DGKB: variants seen among roughly 807,000 people sequenced by gnomAD.
DGKB encodes the protein 90 kDa diacylglycerol kinase.
A neutral mutation model predicts 114.3 loss-of-function variants in DGKB; 67 were observed. The observed-to-expected ratio is 0.59, with a 90% CI of 0.48 to 0.72. The LOEUF is 0.72. Among genes scored for constraint, DGKB ranks in the 30% least tolerant of loss-of-function variants. The pLI is 0.00. For missense variants in DGKB, 907 were observed against 975.2 expected (o/e 0.93, Z 0.93); for synonymous variants, 398 against 323.1 (o/e 1.23, Z -2.49).
At chr7:14,477,121 A>G (rs1782302674) in intron 21 of DGKB, among the ~76,000 whole-genome samples, 1 of 152,212 alleles carries the variant, frequency 6.6e-6, no homozygotes, top group African/African-American at 2.4e-5. Flanking sequence ...TGCTGTGATG[A>G]TTTATGCATA....
intron 13 of DGKB, among the ~76,000 whole-genome samples, chr7:14,650,992 G>C (rs975340039): frequency 3.0e-4 from 46 of 151,694 alleles, no homozygotes; most frequent in Non-Finnish European, 5.9e-4. Context: ...AGCTGAAACT[G>C]TGGCAATAAT....
intron 6 of DGKB, among the ~76,000 whole-genome samples, chr7:14,712,447 C>T (rs1219007328): frequency 1.3e-5 from 2 of 151,740 alleles, no homozygotes; most frequent in African/African-American, 2.4e-5. Flanking sequence ...ATGAGGCGGG[C>T]GGATATTTGA....
chr7:14,906,691 T>C (rs903956639), upstream of DGKB, among the ~76,000 whole-genome samples: 1 of 152,138 alleles, frequency 6.6e-6, no homozygotes, highest in Admixed American at 6.5e-5. Context: ...GACCTCGTGA[T>C]CCACCCACGT....
intron 7 of DGKB, among the ~76,000 whole-genome samples, chr7:14,700,366 A>G (rs1824936866): frequency 1.3e-5 from 2 of 151,984 alleles, no homozygotes; most frequent in African/African-American, 2.4e-5. Flanking sequence ...GGTGCCCACT[A>G]CCACGCCTCG....
rs1023513649 is a variant in DGKB at position 14,902,693 on chromosome 7, T to G, written c.-289A>C. On this transcript the variant is annotated 5_prime_UTR_variant, in exon 1 of 26. Transcript: ENST00000402815. ...AGCCAGTTCTCAGGATCCTTTCCAA[T>G]TCACACGCTCCCGGCACAGTAAGAA... 1 of 152,152 alleles carries G rather than the reference T, an allele frequency of 6.6e-6. No homozygotes were observed. The highest frequency in any genetic ancestry group is 2.4e-5 in the African/African-American group (1 of 41,406). The allele number at this position is 152,152 out of a possible 1,614,324, so 9.4% of individuals were successfully genotyped here.
At chr7:14,723,372 A>C (rs924297603) in intron 5 of DGKB, among the ~76,000 whole-genome samples, 1 of 146,940 alleles carries the variant, frequency 6.8e-6, no homozygotes, top group Non-Finnish European at 1.5e-5. Context: ...AACTAAAATG[A>C]AACATAAAGC....
intron 17 of DGKB, among the ~76,000 whole-genome samples, chr7:14,601,988 T>C (rs1803634343): frequency 6.6e-6 from 1 of 151,866 alleles, no homozygotes; most frequent in African/African-American, 2.4e-5. Flanking sequence ...CTCTTTCTCC[T>C]CCTCCTCATC....
chr7:14,466,421 G>T (rs571986023), intron 21 of DGKB, among the ~76,000 whole-genome samples: 1 of 152,092 alleles, frequency 6.6e-6, no homozygotes, highest in Admixed American at 6.6e-5. Flanking sequence ...AGTTAAAGTC[G>T]ATTTTAGTAC....
intron 21 of DGKB, 49 bp downstream of exon 21, chr7:14,478,112 G>T: frequency 7.6e-7 from 1 of 1,320,388 alleles, no homozygotes; most frequent in Non-Finnish European, 1.1e-6. Flanking sequence ...TCTTTTTATG[G>T]CAAAATTCAG....
chr7:14,554,998 T>G (rs1489471546), intron 20 of DGKB, among the ~76,000 whole-genome samples: 1 of 152,196 alleles, frequency 6.6e-6, no homozygotes, highest in Non-Finnish European at 1.5e-5. Flanking sequence ...CCTTTTAGAT[T>G]CTAGATTTCT....
intron 23 of DGKB, among the ~76,000 whole-genome samples, chr7:14,219,297 G>C (rs568309051): frequency 6.6e-6 from 1 of 151,948 alleles, no homozygotes; most frequent in South Asian, 2.1e-4. Flanking sequence ...GATTGGAATT[G>C]CTGAGTCAAT....
chr7:14,247,883 G>A lies in DGKB; in HGVS notation c.2123-69732C>T, dbSNP rs145114168. Reference sequence around the variant, plus strand: ...TCACTTGTCTATTTTTGTTTTTGTCGCCCGTACTTTTGGGATTATAGCCAA... The same window carrying A: ...TCACTTGTCTATTTTTGTTTTTGTCACCCGTACTTTTGGGATTATAGCCAA... On this transcript the variant is annotated intron_variant, in intron 23 of 25. Transcript: ENST00000402815. Among the ~76,000 whole-genome samples the A allele has an allele frequency of 1.5e-3, 225 of 151,710 alleles. 1 individual carries two copies. Among genetic ancestry groups the A allele is most frequent in the Middle Eastern group, 6.8e-3 (2 of 294 alleles).
chr7:14,733,284 A>G (rs6957593), intron 5 of DGKB, among the ~76,000 whole-genome samples: 121,337 of 152,166 alleles, frequency 0.8, 48,680 homozygotes, highest in Non-Finnish European at 0.85. Flanking sequence ...GATGATAAAC[A>G]TATTAGTCAC....
At chr7:14,606,756 T>G (rs1284433574) in intron 17 of DGKB, among the ~76,000 whole-genome samples, 1 of 152,072 alleles carries the variant, frequency 6.6e-6, no homozygotes, top group Admixed American at 6.6e-5. Flanking sequence ...TTTGTTTAGG[T>G]GCATATCAGT....
chr7:14,276,341 G>T (rs1798985271), intron 23 of DGKB, among the ~76,000 whole-genome samples: 1 of 152,060 alleles, frequency 6.6e-6, no homozygotes, highest in Admixed American at 6.6e-5. Context: ...TCTTGCTATT[G>T]TACTTCTTTC....
intron 1 of DGKB, among the ~76,000 whole-genome samples, chr7:14,865,148 T>C (rs915185693): frequency 1.3e-5 from 2 of 152,194 alleles, no homozygotes; most frequent in East Asian, 1.9e-4. Flanking sequence ...TTAATGGAAC[T>C]CTGGAGGAGC....
chr7:14,662,298 C>T (rs1374646627), intron 13 of DGKB, among the ~76,000 whole-genome samples: 1 of 151,612 alleles, frequency 6.6e-6, no homozygotes, highest in Non-Finnish European at 1.5e-5. Context: ...GATAAATAAT[C>T]ATCTAAAAAT....
At chr7:14,515,951 C>G (rs1218621077) in intron 20 of DGKB, among the ~76,000 whole-genome samples, 1 of 152,078 alleles carries the variant, frequency 6.6e-6, no homozygotes, top group Non-Finnish European at 1.5e-5. Flanking sequence ...CTCAAGCGAT[C>G]CTCCTGCCTC....
At position 14,630,254 on chromosome 7, in the gene DGKB, T is replaced by C; in HGVS notation, c.1149A>G (p.Ser383=). 6.4e-7 allele frequency: 1 copy of C among 1,559,914 alleles called. No individual in the cohort carries two copies. The highest frequency in any genetic ancestry group is 8.7e-7 in the Non-Finnish European group (1 of 1,152,082). Residue 383 remains serine, a synonymous_variant, in exon 14 of 26, where the codon TCA becomes TCG. Coordinates refer to ENST00000402815, the MANE Select transcript of DGKB (RefSeq NM_001350709.2). ...TACGCACCTCAGGAACTGAAACTCC[T>C]GAAGTGGGCAGAGTCTGCTGAAAAA... ...ICPVVLTLPT[S]GVSVPEERQS...
Sources: gnomAD v4.1 joint callset for allele counts (sites outside exome capture counted in the v4.1 genomes callset) on GRCh38, gnomAD v4.1.1 for gene constraint, MANE v1.5 for transcripts, NCBI Gene and HGNC (gene_info 2026-07-23, HGNC 2026-07-21) for gene names.